PUM1: variants seen among roughly 807,000 people sequenced by gnomAD.
PUM1 encodes the protein pumilio RNA binding family member 1, also known as pumilio homolog 1.
A neutral mutation model predicts 131.8 loss-of-function variants in PUM1; 13 were observed. That is an observed-to-expected ratio of 0.10 (90% confidence interval 0.06 to 0.16). The LOEUF is 0.16. PUM1 is among the 10% of genes least tolerant of loss of function. The probability of loss-of-function intolerance (pLI) is 1.00; values close to 1 mark genes in which losing one functional copy is unlikely to be tolerated. For synonymous variants in PUM1, 509 were observed against 556.5 expected (o/e 0.91, Z 1.20); for missense variants, 961 against 1,512.4 (o/e 0.64, Z 6.05).
chr1:30,976,466 T>C (rs1377758232), intron 9 of PUM1, among the ~76,000 whole-genome samples: 1 of 152,272 alleles, frequency 6.6e-6, no homozygotes, highest in Non-Finnish European at 1.5e-5. Context: ...ATATTACAGC[T>C]ACTCTGATGC....
At chr1:30,976,934 C>A (rs1487722044) in intron 9 of PUM1, among the ~76,000 whole-genome samples, 1 of 151,546 alleles carries the variant, frequency 6.6e-6, no homozygotes, top group East Asian at 1.9e-4. Flanking sequence ...AGAAAAAACA[C>A]ACAAAAAAGA....
At chr1:31,015,888 G>A (rs190167666) in intron 3 of PUM1, among the ~76,000 whole-genome samples, 32 of 151,322 alleles carry the variant, frequency 2.1e-4, no homozygotes, top group Admixed American at 2.1e-3. Flanking sequence ...GGTCAGGCTG[G>A]TCTTGAACTC....
At chr1:30,934,066 G>A (rs541560379) in intron 21 of PUM1, among the ~76,000 whole-genome samples, 1 of 152,248 alleles carries the variant, frequency 6.6e-6, no homozygotes, top group African/African-American at 2.4e-5. Flanking sequence ...CGCCACACCA[G>A]CCTCATCCCT....
chr1:30,987,723 C>CAA (rs904325861), intron 7 of PUM1, among the ~76,000 whole-genome samples: 23 of 152,272 alleles, frequency 1.5e-4, no homozygotes, highest in Admixed American at 1.4e-3. Context: ...CAAAATACTC[C>CAA]AAGTCAGAGG....
At chr1:30,972,908 C>T (rs551987423) in intron 10 of PUM1, 97 of 152,230 alleles carry the variant, frequency 6.4e-4, no homozygotes, top group African/African-American at 2.1e-3. Flanking sequence ...GGTGAAACCC[C>T]GTCTCTACTA....
chr1:30,969,374 C>A (rs898680720), intron 10 of PUM1, among the ~76,000 whole-genome samples: 1 of 150,036 alleles, frequency 6.7e-6, no homozygotes, highest in Non-Finnish European at 1.5e-5. Flanking sequence ...GGGAGGGGTT[C>A]CAGACAAGAT....
Position 30,968,394 on chromosome 1 carries a change from A to C in PUM1, c.1605T>G (p.Ser535=). Residue 535 remains serine (S), a synonymous_variant, in exon 11 of 22, where the codon TCT becomes TCG. Coordinates refer to ENST00000426105, the MANE Select transcript of PUM1 (RefSeq NM_001020658.2). Reference sequence around the variant, plus strand: ...CCAGACCTTGTCCAAATGCAAGGGCAGAATTCACTGCTGCAGCTGCCACAA... The same window carrying C: ...CCAGACCTTGTCCAAATGCAAGGGCCGAATTCACTGCTGCAGCTGCCACAA... ...DPLVAAAAVN[S]ALAFGQGLAA... is the part of the protein sequence containing the mutation. 6.3e-7 allele frequency: 1 copy of C among 1,592,718 alleles called. No homozygotes were observed. The highest frequency in any genetic ancestry group is 8.6e-7 in the Non-Finnish European group (1 of 1,169,474).
chr1:31,041,550 C>G (rs1310366476), intron 2 of PUM1, among the ~76,000 whole-genome samples: 2 of 152,060 alleles, frequency 1.3e-5, no homozygotes, highest in Admixed American at 6.6e-5. Flanking sequence ...CATGGGGGCC[C>G]ATCCCTCAGG....
In PUM1 at chr1:30,960,425, AAAG is replaced by A. The variant is rs1442318980; in HGVS notation, c.2323+4246_2323+4248del. On this transcript the variant is annotated intron_variant, in intron 14 of 21. Transcript: ENST00000426105. ...TCTACACAGTGCAATCAGACAAGAA[AAAG>A]AAAAGTCATCCAGATTGGGAAATGG... Among the ~76,000 whole-genome samples the A allele has an allele frequency of 2.6e-5, 4 of 152,324 alleles. No individual in the cohort carries two copies. The East Asian group carries it at 7.7e-4, about 29-fold the overall frequency.
intron 2 of PUM1, among the ~76,000 whole-genome samples, chr1:31,032,697 C>T (rs1177978915): frequency 6.6e-6 from 1 of 152,120 alleles, no homozygotes; most frequent in Non-Finnish European, 1.5e-5. Context: ...GTCCCAGCTA[C>T]TCATGAGGCT....
chr1:30,991,546 G>A (rs1291368743), intron 7 of PUM1, among the ~76,000 whole-genome samples: 1 of 152,126 alleles, frequency 6.6e-6, no homozygotes, highest in Admixed American at 6.5e-5. Context: ...TTCAAAATGA[G>A]ATGCTAACCT....
chr1:30,970,472 C>T (rs150346615), intron 10 of PUM1, among the ~76,000 whole-genome samples: 2 of 152,202 alleles, frequency 1.3e-5, no homozygotes, highest in African/African-American at 4.8e-5. Context: ...TGCCTGATAC[C>T]CAGGAGATCA....
At chr1:30,998,989 GTTTT>G (rs1642085475) in intron 5 of PUM1, among the ~76,000 whole-genome samples, 1 of 144,614 alleles carries the variant, frequency 6.9e-6, no homozygotes, top group African/African-American at 2.6e-5. Flanking sequence ...GCTGTGTGGT[GTTTT>G]TGTTTTTGTT....
intron 5 of PUM1, 75 bp from the exon 6 acceptor site, chr1:30,995,295 C>A (rs1157862231): frequency 5.4e-6 from 8 of 1,481,872 alleles, no homozygotes; most frequent in Non-Finnish European, 6.5e-6. Flanking sequence ...GGGCACCAGA[C>A]TACACTAGAT....
At chr1:31,001,028 T>C (rs1642191234) in intron 5 of PUM1, among the ~76,000 whole-genome samples, 1 of 151,768 alleles carries the variant, frequency 6.6e-6, no homozygotes, top group African/African-American at 2.4e-5. Flanking sequence ...CTACTAAAAA[T>C]ACAGAAAAAT....
chr1:31,038,984 A>ATATATATATTTTTTTTTTTTTTTTTTT, intron 2 of PUM1, among the ~76,000 whole-genome samples: 1 of 49,418 alleles, frequency 2.0e-5, no homozygotes, highest in African/African-American at 2.1e-4. Context: ...ATATATATAT[A>ATATATATATTTTTTTTTTTTTTTTTTT]TTTTTTTTTT....
chr1:30,953,255 G>A (rs1273342830), intron 15 of PUM1, among the ~76,000 whole-genome samples: 1 of 152,186 alleles, frequency 6.6e-6, no homozygotes, highest in African/African-American at 2.4e-5. Context: ...AAGGATGGGT[G>A]TTGTCACCAT....
intron 2 of PUM1, chr1:31,055,465 T>A (rs183217271): frequency 4.4e-6 from 2 of 452,144 alleles, no homozygotes; most frequent in East Asian, 1.4e-4. Flanking sequence ...ACCAGTACAA[T>A]ACACTATAAT....
At chr1:30,959,482 A>G (rs79237821) in intron 14 of PUM1, among the ~76,000 whole-genome samples, 2,443 of 152,246 alleles carry the variant, frequency 0.016, 70 homozygotes, top group African/African-American at 0.055. Flanking sequence ...ACAGAATACA[A>G]GATAAAAGCC....
Sources: allele counts gnomAD v4.1 joint callset (sites outside exome capture counted in the v4.1 genomes callset), GRCh38; gene constraint gnomAD v4.1.1; transcripts MANE v1.5; gene names NCBI Gene and HGNC (gene_info 2026-07-23, HGNC 2026-07-21).